UGT1A6: variants seen among roughly 807,000 people sequenced by gnomAD.
UGT1A6 encodes UDP glucuronosyltransferase family 1 member A6, also known as UDP-glucuronosyltransferase 1A6.
Under a neutral mutation model 44.4 loss-of-function variants are expected in UGT1A6, and 32 were observed. The ratio of observed to expected loss-of-function variants is 0.72; its 90% CI spans 0.54 to 0.97. UGT1A6 has a LOEUF of 0.97. UGT1A6 is among the 50% of genes least tolerant of loss of function. The pLI is 0.00. For missense variants in UGT1A6, 685 were observed against 661.9 expected (o/e 1.03, Z -0.38); for synonymous variants, 238 against 248.5 (o/e 0.96, Z 0.40).
At chr2:233,697,298 A>C (rs1046894333) in intron 1 of UGT1A6, among the ~76,000 whole-genome samples, 1 of 152,102 alleles carries the variant, frequency 6.6e-6, no homozygotes, top group African/African-American at 2.4e-5. Flanking sequence ...TTCTTCATTC[A>C]ATCTTGGTAG....
intron 1 of UGT1A6, among the ~76,000 whole-genome samples, chr2:233,703,399 T>G (rs1408103781): frequency 6.6e-6 from 1 of 152,144 alleles, no homozygotes; most frequent in Non-Finnish European, 1.5e-5. Context: ...AATAAACAAT[T>G]TTGGTTTTGT....
chr2:233,729,216 G>C, intron 1 of UGT1A6: 1 of 1,614,144 alleles, frequency 6.2e-7, no homozygotes, highest in Non-Finnish European at 8.5e-7. Flanking sequence ...AGAGTGGAAA[G>C]GTGTTGGTGG....
intron 4 of UGT1A6, chr2:233,771,391 T>C (rs562546600): frequency 6.6e-6 from 1 of 152,294 alleles, no homozygotes; most frequent in East Asian, 1.9e-4. Flanking sequence ...GATGTTCTGA[T>C]TGGGCAATGA....
chr2:233,717,764 C>T (rs1326469547), intron 1 of UGT1A6: 3 of 456,554 alleles, frequency 6.6e-6, no homozygotes, highest in Non-Finnish European at 1.3e-5. Context: ...GAAAGGCACA[C>T]ATTTAATTCT....
rs752839721 is a variant in UGT1A6, at chr2:233,693,062, CT to C, written c.61del (p.Trp21GlyfsTer5). On this transcript the variant is annotated frameshift_variant, in exon 1 of 5. Transcript: ENST00000305139. LOFTEE classifies it high-confidence loss of function. Reference protein sequence around the residue: ...RISAGVFFLALWGMVVGDKLL... With the variant: ...RISAGVFFLAXWGMVVGDKLL... ...TTCTGCAGGGGTTTTCTTCTTAGCA[CT>C]TTGGGGCATGGTTGTAGGTGACAAG... 2 of 1,614,140 alleles carry C rather than the reference CT, an allele frequency of 1.2e-6. No homozygotes were observed. The highest frequency in any genetic ancestry group is 3.3e-5 in the Admixed American group (2 of 60,020).
intron 1 of UGT1A6, among the ~76,000 whole-genome samples, chr2:233,763,852 CACAG>C (rs1251702771): frequency 6.6e-6 from 1 of 152,136 alleles, no homozygotes; most frequent in Admixed American, 6.5e-5. Flanking sequence ...AGCAGTGGTT[CACAG>C]ACAATCGCAA....
chr2:233,762,993 G>T (rs1698210222), intron 1 of UGT1A6, among the ~76,000 whole-genome samples: 1 of 152,172 alleles, frequency 6.6e-6, no homozygotes, highest in Non-Finnish European at 1.5e-5. Flanking sequence ...AGTGGAAATT[G>T]ATTATCATTT....
intron 1 of UGT1A6, among the ~76,000 whole-genome samples, chr2:233,751,652 T>C (rs1459670013): frequency 2.0e-5 from 3 of 152,194 alleles, no homozygotes; most frequent in Non-Finnish European, 2.9e-5. Context: ...GCTGTTCTCA[T>C]CCTACTGAGT....
chr2:233,757,535 A>AATAAATATACATATACATATATAT (rs1553619837), intron 1 of UGT1A6, among the ~76,000 whole-genome samples: 10 of 88,300 alleles, frequency 1.1e-4, no homozygotes, highest in South Asian at 5.2e-4. Context: ...GCCTGTAAGG[A>AATAAATATACATATACATATATAT]ATATATATAT....
intron 2 of UGT1A6, among the ~76,000 whole-genome samples, chr2:233,767,644 C>T (rs983421121): frequency 2.0e-5 from 3 of 152,120 alleles, no homozygotes; most frequent in South Asian, 4.1e-4. Flanking sequence ...CACAAATTCA[C>T]GTAGTGCATA....
rs1310815990 is a variant in UGT1A6, at chr2:233,693,240, C to T, written c.236C>T (p.Pro79Leu). ...ESKYYTRKIY[P>L]VPYDQEELKN... ...AAATACTACACAAGAAAAATCTATC[C>T]AGTGCCGTATGACCAAGAAGAGCTG... Residue 79 changes from proline to leucine, a missense_variant, in exon 1 of 5, where the codon CCA (proline) becomes CTA (leucine). Transcript: ENST00000305139. 6.8e-6 allele frequency: 11 copies of T among 1,614,022 alleles called. No homozygotes were observed. The African/African-American group carries it at 1.3e-4, about 20-fold the overall frequency.
intron 1 of UGT1A6, among the ~76,000 whole-genome samples, chr2:233,709,075 C>T (rs1045391498): frequency 6.6e-6 from 1 of 152,098 alleles, no homozygotes; most frequent in Non-Finnish European, 1.5e-5. Flanking sequence ...GTTCTTCTGC[C>T]TCATTGGCTC....
At chr2:233,749,418 G>A (rs971310619) in intron 1 of UGT1A6, among the ~76,000 whole-genome samples, 1 of 151,768 alleles carries the variant, frequency 6.6e-6, no homozygotes, top group Non-Finnish European at 1.5e-5. Flanking sequence ...TAACTACATT[G>A]CTCAAAACTT....
chr2:233,717,785 A>G (rs559619766), intron 1 of UGT1A6: 1 of 456,340 alleles, frequency 2.2e-6, no homozygotes, highest in South Asian at 1.5e-5. Flanking sequence ...CCATTTTGAA[A>G]TTTGAAGTAG....
rs1254411333 is a variant in UGT1A6 at position 233,772,451 on chromosome 2, C to T, written c.1491C>T (p.Val497=). ...SLDVIGFLLA[V]VLTVAFITFK... The stretch of plus-strand genomic sequence containing the variant: ...ACGTGATTGGTTTCCTCTTGGCCGT[C>T]GTGCTGACAGTGGCCTTCATCACCT... The change falls in exon 5 of 5, where the codon GTC becomes GTT. Residue 497 remains valine (V), a synonymous_variant. Transcript: ENST00000305139. 9 of 1,614,028 alleles carry T rather than the reference C, an allele frequency of 5.6e-6. No homozygotes were observed. The highest frequency in any genetic ancestry group is 1.1e-5 in the South Asian group (1 of 91,086).
chr2:233,747,949 T>G lies in UGT1A6; in HGVS notation c.862-19085T>G. ...CTTTTTCAGAGGGAGGTGTCAGTGG[T>G]GGATCTTCTCAGCCATGCATCTGTG... is the stretch of plus-strand genomic sequence containing the variant. On this transcript the variant is annotated intron_variant, in intron 1 of 4. Transcript: ENST00000305139. 2.5e-6 allele frequency: 4 copies of G among 1,613,408 alleles called. No individual in the cohort carries two copies. In the South Asian group the frequency reaches 4.4e-5, roughly 18 times the overall value.
At chr2:233,739,918 T>C (rs1575632669) in intron 1 of UGT1A6, among the ~76,000 whole-genome samples, 1 of 151,914 alleles carries the variant, frequency 6.6e-6, no homozygotes, top group East Asian at 1.9e-4. Flanking sequence ...GTAATTTCCA[T>C]AATCCCCATG....
At chr2:233,728,928 C>G (rs545859432) in intron 1 of UGT1A6, among the ~76,000 whole-genome samples, 4,928 of 152,196 alleles carry the variant, frequency 0.032, 259 homozygotes, top group African/African-American at 0.11. Context: ...TAGTCATGAT[C>G]GGTCTTTTCC....
chr2:233,729,675 G>A, intron 1 of UGT1A6: 1 of 1,613,858 alleles, frequency 6.2e-7, no homozygotes, highest in Non-Finnish European at 8.5e-7. Flanking sequence ...TAGACTTTAA[G>A]GGCACACAGT....
Sources: gnomAD v4.1 joint callset for allele counts (sites outside exome capture counted in the v4.1 genomes callset) on GRCh38, gnomAD v4.1.1 for gene constraint, MANE v1.5 for transcripts, NCBI Gene and HGNC (gene_info 2026-07-23, HGNC 2026-07-21) for gene names.